ZNF69: variants seen among roughly 807,000 people sequenced by gnomAD.
ZNF69 encodes the protein ZNF3.
In ZNF69, 47 loss-of-function variants were observed where a neutral mutation model predicts 50.9. That is an observed-to-expected ratio of 0.92 (90% CI 0.73 to 1.18). The LOEUF (loss-of-function observed/expected upper bound fraction) is 1.18. ZNF69 is among the 50% of genes most tolerant of loss of function. ZNF69 has a pLI of 0.00. For missense variants in ZNF69, 717 were observed against 675.1 expected, an observed-to-expected ratio of 1.06 and a Z score of -0.69; for synonymous variants, 216 against 223.1, an observed-to-expected ratio of 0.97 and a Z score of 0.29.
the ZNF69 span, chr19:11,925,089 A>C: frequency 2.7e-6 from 3 of 1,121,846 alleles, no homozygotes; most frequent in East Asian, 5.7e-5. Context: ...TTCATCCGGA[A>C]ATGGAGGGGG....
the ZNF69 span, among the ~76,000 whole-genome samples, chr19:11,927,216 T>C: frequency 6.6e-6 from 1 of 151,908 alleles, no homozygotes; most frequent in Non-Finnish European, 1.5e-5. Context: ...TAGCCGGGTG[T>C]GGTGGCCTGC....
At chr19:11,975,096 T>C in the ZNF69 span, among the ~76,000 whole-genome samples, 2 of 152,088 alleles carry the variant, frequency 1.3e-5, no homozygotes, top group Admixed American at 1.3e-4. Flanking sequence ...GATGTTATTT[T>C]CTTTTTTTTT....
In ZNF69 at chr19:11,903,573, G is replaced by A. The variant is rs1209222709; in HGVS notation, c.64G>A (p.Asp22Asn). The change falls in exon 2 of 4, where the codon GAC becomes AAC. Residue 22 changes from aspartate (D) to asparagine (N), a missense_variant and splice_region_variant. Asp to Asn is a conservative substitution (Grantham distance 23, BLOSUM62 1). Transcript: ENST00000429654. ...CCTCTACACATGTGAGATGTTTCAG[G>A]ACCCAGTGGCCTTTGATGATGTTGC... The part of the protein sequence containing the change: ...DPGTSESQEM[D>N]PVAFDDVAVN... 3 of 1,614,078 alleles carry A rather than the reference G, an allele frequency of 1.9e-6. No homozygotes were observed. The highest frequency in any genetic ancestry group is 3.3e-5 in the Admixed American group (2 of 59,992).
At chr19:11,946,991 A>G in the ZNF69 span, 34 of 1,095,812 alleles carry the variant, frequency 3.1e-5, no homozygotes, top group Non-Finnish European at 4.0e-5. Flanking sequence ...TCTGTCTCAA[A>G]AAATAAATAA....
Position 11,897,732 on chromosome 19 carries a change from C to T in ZNF69, c.64-5841C>T, listed in dbSNP as rs1357217178. 5.3e-5 allele frequency among the ~76,000 whole-genome samples: 8 copies of T among 151,156 alleles called. No homozygotes were observed. The South Asian group carries it at 8.3e-4, about 16-fold the overall frequency. On this transcript the variant is annotated intron_variant, in intron 1 of 3. Transcript: ENST00000429654. Reference sequence around the variant, plus strand: ...CTAAAAATATAAAAAATTAGCCGAGCGTGGTGGTGGGCGCCTGTAGTCCCA... The same window carrying T: ...CTAAAAATATAAAAAATTAGCCGAGTGTGGTGGTGGGCGCCTGTAGTCCCA...
chr19:11,935,067 C>T, the ZNF69 span, among the ~76,000 whole-genome samples: 1 of 143,394 alleles, frequency 7.0e-6, no homozygotes, highest in South Asian at 2.2e-4. Context: ...GTCCCAGCTA[C>T]TGGGAGGCTG....
At chr19:11,940,576 T>TA in the ZNF69 span, among the ~76,000 whole-genome samples, 1 of 152,140 alleles carries the variant, frequency 6.6e-6, no homozygotes, top group African/African-American at 2.4e-5. Context: ...TGGTGAGTGT[T>TA]ACAGCTCATA....
the ZNF69 span, chr19:11,939,886 T>C: frequency 6.6e-6 from 1 of 152,356 alleles, no homozygotes; most frequent in East Asian, 1.9e-4. Flanking sequence ...ATGAATTCTA[T>C]TGTATTTTGC....
chr19:11,959,581 G>C, the ZNF69 span, among the ~76,000 whole-genome samples: 1 of 152,178 alleles, frequency 6.6e-6, no homozygotes, highest in East Asian at 1.9e-4. Flanking sequence ...TTTTTTGCCT[G>C]AGCCTGTTGT....
chr19:11,973,885 T>C, the ZNF69 span, among the ~76,000 whole-genome samples: 1 of 152,112 alleles, frequency 6.6e-6, no homozygotes, highest in Non-Finnish European at 1.5e-5. Context: ...AGACCATGCT[T>C]ATTTTCTTCA....
At chr19:11,896,875 T>A (rs1212573655) in intron 1 of ZNF69, among the ~76,000 whole-genome samples, 10 of 152,188 alleles carry the variant, frequency 6.6e-5, no homozygotes, top group Admixed American at 6.5e-4. Context: ...GACTAAAATA[T>A]AACTGTAGTC....
chr19:11,891,998 G>T (rs1977101225), intron 1 of ZNF69, among the ~76,000 whole-genome samples: 1 of 151,978 alleles, frequency 6.6e-6, no homozygotes. Context: ...TTTTTTCTTT[G>T]AGCGAATGTC....
At chr19:11,946,218 C>G in the ZNF69 span, among the ~76,000 whole-genome samples, 1 of 152,108 alleles carries the variant, frequency 6.6e-6, no homozygotes, top group Non-Finnish European at 1.5e-5. Flanking sequence ...AGTCTTAGAT[C>G]GTAAATGAGC....
At chr19:11,949,921 T>C in the ZNF69 span, 1 of 1,610,424 alleles carries the variant, frequency 6.2e-7, no homozygotes, top group East Asian at 2.2e-5. Flanking sequence ...CAGATCTGCC[T>C]CAAACCTTCA....
intron 4 of ZNF69, among the ~76,000 whole-genome samples, chr19:11,912,671 G>A (rs1347181977): frequency 6.6e-6 from 1 of 152,088 alleles, no homozygotes; most frequent in Non-Finnish European, 1.5e-5. Flanking sequence ...TGTCATGAAA[G>A]GACTCACACT....
the ZNF69 span, among the ~76,000 whole-genome samples, chr19:11,970,202 G>C: frequency 6.6e-6 from 1 of 152,222 alleles, no homozygotes; most frequent in Non-Finnish European, 1.5e-5. Context: ...AAACAGAGAT[G>C]ATTCCTGTCC....
chr19:11,960,802 C>A, the ZNF69 span, among the ~76,000 whole-genome samples: 1,451 of 152,240 alleles, frequency 9.5e-3, 16 homozygotes, highest in African/African-American at 0.033. Flanking sequence ...TTTGCTCCTT[C>A]ATACAGTCAT....
At chr19:11,957,800 A>G in the ZNF69 span, among the ~76,000 whole-genome samples, 1 of 152,052 alleles carries the variant, frequency 6.6e-6, no homozygotes, top group African/African-American at 2.4e-5. Context: ...AGCCAAGATC[A>G]TGCTACTGCA....
In ZNF69 at chr19:11,905,045, G is replaced by A; in HGVS notation, c.648G>A (p.Gly216=). 1.2e-6 allele frequency: 2 copies of A among 1,614,032 alleles called. No homozygotes were observed. Among genetic ancestry groups the A allele is most frequent in the Non-Finnish European group, 1.7e-6 (2 of 1,180,014 alleles). The change falls in exon 4 of 4, where the codon GGG becomes GGA. Residue 216 remains glycine, a synonymous_variant. Transcript: ENST00000429654. ...SIQRHVVMHS[G]DGPYKCKFCG... ...AAAGACACGTGGTAATGCACAGTGG[G>A]GATGGACCTTATAAATGTAAATTTT...
Sources: gnomAD v4.1 joint callset for allele counts (sites outside exome capture counted in the v4.1 genomes callset) on GRCh38, gnomAD v4.1.1 for gene constraint, MANE v1.5 for transcripts, NCBI Gene and HGNC (gene_info 2026-07-23, HGNC 2026-07-21) for gene names.